NEK1: variants seen among roughly 807,000 people sequenced by gnomAD.
NEK1 encodes serine/threonine-protein kinase Nek1.
Under a neutral mutation model 182.1 loss-of-function variants are expected in NEK1, and 137 were observed. The ratio of observed to expected loss-of-function variants is 0.75; its 90% CI spans 0.65 to 0.87. The LOEUF (loss-of-function observed/expected upper bound fraction) is 0.87. Among genes scored for constraint, NEK1 ranks in the 40% least tolerant of loss-of-function variants. The pLI is 0.00. For synonymous variants in NEK1, 513 were observed against 492.2 expected (o/e 1.04, Z -0.56); for missense variants, 1,391 against 1,494.4 (o/e 0.93, Z 1.14).
intron 2 of NEK1, among the ~76,000 whole-genome samples, chr4:169,609,484 T>C (rs1294440494): frequency 6.6e-6 from 1 of 152,240 alleles, no homozygotes; most frequent in African/African-American, 2.4e-5. Flanking sequence ...CTGATATAAT[T>C]TCTTAATACA....
intron 2 of NEK1, among the ~76,000 whole-genome samples, chr4:169,611,412 C>T (rs1772305523): frequency 6.6e-6 from 1 of 152,134 alleles, no homozygotes; most frequent in South Asian, 2.1e-4. Flanking sequence ...AAATTTGGCT[C>T]CCCTCCATCA....
At chr4:169,526,014 A>G (rs1756843019) in intron 19 of NEK1, among the ~76,000 whole-genome samples, 1 of 152,194 alleles carries the variant, frequency 6.6e-6, no homozygotes, top group Non-Finnish European at 1.5e-5. Flanking sequence ...ATTTTCAGTC[A>G]TTTTAATTAA....
chr4:169,567,491 C>T (rs1763907496), intron 12 of NEK1, among the ~76,000 whole-genome samples: 1 of 152,014 alleles, frequency 6.6e-6, no homozygotes, highest in Non-Finnish European at 1.5e-5. Context: ...ACCTCCACCT[C>T]CCAGGTTCAA....
At chr4:169,404,111 A>G (rs1356559825) in intron 32 of NEK1, among the ~76,000 whole-genome samples, 1 of 152,112 alleles carries the variant, frequency 6.6e-6, no homozygotes, top group Non-Finnish European at 1.5e-5. Flanking sequence ...GCCACAAATA[A>G]GCTGTAGTTC....
At chr4:169,424,366 A>G (rs1339468857) in intron 31 of NEK1, among the ~76,000 whole-genome samples, 187 bp downstream of exon 31, 23 of 152,200 alleles carry the variant, frequency 1.5e-4, no homozygotes, top group Admixed American at 1.2e-3. Flanking sequence ...CAGGAAGCCA[A>G]TGAAATAGTC....
In NEK1 at chr4:169,510,937, C is replaced by T. The variant is rs779191318; in HGVS notation, c.1666-2085G>A. On this transcript the variant is annotated intron_variant, in intron 19 of 35. Transcript: ENST00000507142. ...AGTTAAGTGTGCTTCCTTTGACCTT[C>T]CATACCATTTCTTTATAGAAACCTC... is the stretch of plus-strand genomic sequence containing the variant. Among the ~76,000 whole-genome samples the T allele has an allele frequency of 2.6e-4, 40 of 152,264 alleles. 1 individual carries two copies. The highest frequency in any genetic ancestry group is 6.8e-3 in the Middle Eastern group (2 of 294).
intron 19 of NEK1, among the ~76,000 whole-genome samples, chr4:169,533,953 C>A (rs1758059923): frequency 6.6e-6 from 1 of 152,004 alleles, no homozygotes; most frequent in Admixed American, 6.6e-5. Context: ...AAGTGAAGTT[C>A]AGAACGTCAA....
chr4:169,539,484 C>T (rs1467017965), intron 18 of NEK1, among the ~76,000 whole-genome samples: 1 of 152,120 alleles, frequency 6.6e-6, no homozygotes, highest in Non-Finnish European at 1.5e-5. Flanking sequence ...CAAAGTAGGA[C>T]TGTACCCTGT....
intron 31 of NEK1, among the ~76,000 whole-genome samples, chr4:169,411,274 T>C (rs1733623689): frequency 1.3e-5 from 2 of 151,406 alleles, no homozygotes; most frequent in African/African-American, 4.9e-5. Context: ...ATTATGATCT[T>C]TATCTGACTC....
chr4:169,437,781 C>T (rs769649872), intron 28 of NEK1, among the ~76,000 whole-genome samples: 2 of 152,178 alleles, frequency 1.3e-5, no homozygotes, highest in Non-Finnish European at 2.9e-5. Context: ...GGCTGACCAA[C>T]ACTTACTGAT....
At chr4:169,479,012 T>C (rs920166046) in intron 24 of NEK1, among the ~76,000 whole-genome samples, 32 of 152,160 alleles carry the variant, frequency 2.1e-4, no homozygotes, top group African/African-American at 6.8e-4. Flanking sequence ...TAAATGTAAA[T>C]ATGTGTTGGA....
intron 9 of NEK1, among the ~76,000 whole-genome samples, chr4:169,587,181 T>G (rs558585575): frequency 1.1e-3 from 163 of 152,066 alleles, no homozygotes; most frequent in African/African-American, 3.9e-3. Flanking sequence ...AATGAAATTC[T>G]TTAAATTAGT....
At chr4:169,514,478 A>G (rs147489783) in intron 19 of NEK1, among the ~76,000 whole-genome samples, 24 of 152,208 alleles carry the variant, frequency 1.6e-4, no homozygotes, top group Middle Eastern at 3.4e-3. Flanking sequence ...GTTTGGTAAA[A>G]TTTTCCAGTG....
chr4:169,430,151 ACTCT>A (rs759030446), intron 29 of NEK1, among the ~76,000 whole-genome samples: 2 of 152,168 alleles, frequency 1.3e-5, no homozygotes, highest in African/African-American at 2.4e-5. Context: ...AATAGAAAAC[ACTCT>A]CTCTGCCTTT....
At chr4:169,410,047 T>C (rs1275868317) in intron 31 of NEK1, among the ~76,000 whole-genome samples, 2 of 152,206 alleles carry the variant, frequency 1.3e-5, no homozygotes, top group African/African-American at 4.8e-5. Flanking sequence ...GAGAATTTTA[T>C]AAAAGAACAC....
chr4:169,465,967 A>G (rs1395837897), intron 26 of NEK1, among the ~76,000 whole-genome samples: 1 of 152,130 alleles, frequency 6.6e-6, no homozygotes, highest in East Asian at 1.9e-4. Context: ...ATTATCAAGC[A>G]TGCACAGAAA....
intron 12 of NEK1, among the ~76,000 whole-genome samples, chr4:169,570,523 C>A (rs887442897): frequency 6.7e-6 from 1 of 150,328 alleles, no homozygotes; most frequent in Non-Finnish European, 1.5e-5. Flanking sequence ...CAGCCCCCCG[C>A]CCGGCCAGCA....
chr4:169,593,610 C>T (rs1768911745), intron 5 of NEK1, among the ~76,000 whole-genome samples: 1 of 152,142 alleles, frequency 6.6e-6, no homozygotes, highest in Admixed American at 6.5e-5. Flanking sequence ...CATTTTCATT[C>T]CCTTTGTCTA....
chr4:169,404,820 G>A (rs1732302724), intron 32 of NEK1, among the ~76,000 whole-genome samples: 1 of 151,798 alleles, frequency 6.6e-6, no homozygotes, highest in African/African-American at 2.4e-5. Flanking sequence ...TAGGGTACAT[G>A]TGCACAATCT....
Sources: allele counts gnomAD v4.1 joint callset (sites outside exome capture counted in the v4.1 genomes callset), GRCh38; gene constraint gnomAD v4.1.1; transcripts MANE v1.5; gene names NCBI Gene and HGNC (gene_info 2026-07-23, HGNC 2026-07-21).